RYR2: variants seen among roughly 807,000 people sequenced by gnomAD.
RYR2 encodes the protein ryanodine receptor 2, also known as cardiac muscle ryanodine receptor-calcium release channel.
Under a neutral mutation model 601.1 loss-of-function variants are expected in RYR2, and 227 were observed. That is an observed-to-expected ratio of 0.38 (90% confidence interval 0.34 to 0.42). The LOEUF is 0.42. Ranked by LOEUF, RYR2 falls within the 10% of genes least tolerant of loss-of-function variation. RYR2 has a pLI of 1.00. For missense variants in RYR2, 4,646 were observed against 6,156.5 expected, an observed-to-expected ratio of 0.75 and a Z score of 8.21; for synonymous variants, 2,223 against 2,175.1, an observed-to-expected ratio of 1.02 and a Z score of -0.61.
chr1:237,139,884 C>T (rs1399749551), intron 1 of RYR2, among the ~76,000 whole-genome samples: 1 of 152,288 alleles, frequency 6.6e-6, no homozygotes, highest in African/African-American at 2.4e-5. Flanking sequence ...GTCTGGCAGG[C>T]AGTGCTGTGT....
chr1:237,550,858 C>G (rs1163656945), intron 27 of RYR2, among the ~76,000 whole-genome samples, 167 bp downstream of exon 27: 1 of 152,040 alleles, frequency 6.6e-6, no homozygotes, highest in Non-Finnish European at 1.5e-5. Context: ...GGGATTAGAC[C>G]CATCTCTCAG....
intron 3 of RYR2, among the ~76,000 whole-genome samples, chr1:237,332,115 T>C (rs752595928): frequency 3.3e-5 from 5 of 152,180 alleles, no homozygotes; most frequent in Non-Finnish European, 5.9e-5. Flanking sequence ...GCTGTTGTTA[T>C]TAATCATTAC....
chr1:237,791,956 A>G (rs1351976344), intron 93 of RYR2, 149 bp from the exon 94 acceptor site: 1 of 630,770 alleles, frequency 1.6e-6, no homozygotes, highest in African/African-American at 1.8e-5. Flanking sequence ...TTGAAAAGCT[A>G]TCGTTTTTAG....
intron 2 of RYR2, among the ~76,000 whole-genome samples, chr1:237,330,021 AT>A (rs1384540814): frequency 6.6e-6 from 1 of 152,262 alleles, no homozygotes; most frequent in African/African-American, 2.4e-5. Flanking sequence ...GGAATATTTT[AT>A]ACTAATTCAG....
intron 1 of RYR2, among the ~76,000 whole-genome samples, chr1:237,070,670 G>C (rs762680526): frequency 2.0e-5 from 3 of 152,208 alleles, no homozygotes; most frequent in African/African-American, 7.2e-5. Context: ...GGTGCAGGAG[G>C]CCAGGGTTGT....
At chr1:237,373,028 T>C (rs183682245) in intron 6 of RYR2, among the ~76,000 whole-genome samples, 1 of 152,334 alleles carries the variant, frequency 6.6e-6, no homozygotes, top group East Asian at 1.9e-4. Flanking sequence ...TGCCTAATAC[T>C]GTACTTGTTA....
At chr1:237,334,521 AT>A (rs1455005214) in intron 3 of RYR2, among the ~76,000 whole-genome samples, 5 of 151,642 alleles carry the variant, frequency 3.3e-5, no homozygotes, top group African/African-American at 1.2e-4. Flanking sequence ...TTTAGCTTTT[AT>A]TCTTATTAAA....
At chr1:237,827,393 G>T (rs1449365448) in intron 101 of RYR2, among the ~76,000 whole-genome samples, 2 of 152,118 alleles carry the variant, frequency 1.3e-5, no homozygotes, top group Non-Finnish European at 2.9e-5. Context: ...CTACCACTTT[G>T]GGAAGCTGAG....
chr1:237,464,275 G>A (rs573122114), intron 16 of RYR2, among the ~76,000 whole-genome samples: 140 of 152,156 alleles, frequency 9.2e-4, no homozygotes, highest in Non-Finnish European at 1.6e-3. Context: ...TTGGACTTCC[G>A]TGCTTTTTTA....
At chr1:237,721,882 C>G (rs1689748796) in intron 73 of RYR2, among the ~76,000 whole-genome samples, 1 of 151,996 alleles carries the variant, frequency 6.6e-6, no homozygotes, top group African/African-American at 2.4e-5. Flanking sequence ...TATGTTCTAC[C>G]CCCATTAAAT....
In RYR2 at chr1:237,700,385, T is replaced by C; in HGVS notation, c.9285T>C (p.Asn3095=). 3 of 1,608,484 alleles carry C rather than the reference T, an allele frequency of 1.9e-6. No individual in the cohort carries two copies. The highest frequency in any genetic ancestry group is 2.5e-6 in the Non-Finnish European group (3 of 1,177,276). Residue 3095 remains asparagine (N), a synonymous_variant, in exon 65 of 105, where the codon AAT becomes AAC. Coordinates refer to ENST00000366574, the MANE Select transcript of RYR2 (RefSeq NM_001035.3). The stretch of plus-strand genomic sequence containing the variant: ...CCAAAGGGGTTACTCAGATTATCAA[T>C]TACACCACAGTGGCCCTGCTGCCAA... ...NQPKGVTQII[N]YTTVALLPML...
At chr1:237,338,247 A>G (rs1697433920) in intron 3 of RYR2, among the ~76,000 whole-genome samples, 1 of 152,154 alleles carries the variant, frequency 6.6e-6, no homozygotes, top group Non-Finnish European at 1.5e-5. Flanking sequence ...TTTTGATTTG[A>G]CAGGAGCCTG....
intron 2 of RYR2, among the ~76,000 whole-genome samples, chr1:237,312,345 T>C (rs974055478): frequency 1.6e-4 from 25 of 152,316 alleles, no homozygotes; most frequent in Middle Eastern, 3.4e-3. Context: ...ATCTGAATAG[T>C]ATTTTATAAT....
intron 48 of RYR2, among the ~76,000 whole-genome samples, chr1:237,644,522 G>A (rs550390044): frequency 1.8e-4 from 27 of 152,242 alleles, no homozygotes; most frequent in African/African-American, 6.0e-4. Flanking sequence ...ATGAGGCACT[G>A]CTCCTAGCCA....
At chr1:237,294,717 G>A (rs1158945227) in intron 2 of RYR2, among the ~76,000 whole-genome samples, 1 of 152,100 alleles carries the variant, frequency 6.6e-6, no homozygotes, top group Non-Finnish European at 1.5e-5. Flanking sequence ...TATAGATAAT[G>A]CTTCTGGAGT....
chr1:237,610,711 AC>A lies in RYR2; in HGVS notation c.4684-47del. The A allele has an allele frequency of 1.4e-6, 2 of 1,435,550 alleles. No homozygotes were observed. The highest frequency in any genetic ancestry group is 2.5e-4 in the Middle Eastern group (1 of 4,038). 88.9% of individuals were successfully genotyped at this position (1,435,550 alleles called of 1,614,324 possible). A position where few individuals can be genotyped will look rare whatever the true frequency, so the allele number is the denominator to read the frequency against. ...CAGAATTCTAGTCATTACTTTGTGAACCCCAAGGGATGTTCTACATTTATTC... is the reference window on the plus strand; with the variant it reads ...CAGAATTCTAGTCATTACTTTGTGAACCCAAGGGATGTTCTACATTTATTC... On this transcript the variant is annotated intron_variant, in intron 35 of 104. Coordinates refer to ENST00000366574, the MANE Select transcript of RYR2 (RefSeq NM_001035.3). The surrounding 1 kb of genome is among the most constrained non-coding windows in gnomAD (Gnocchi z 4.9).
At position 237,705,471 on chromosome 1, in the gene RYR2, T is replaced by TTATTTGG; in HGVS notation, c.9580+132_9580+133insTGGTATT. ...ATCCAATCTTGTTTGTTCTTAAATG[T>TTATTTGG]TATTGTTTGGTATTCTATGTGATGT... On this transcript the variant is annotated intron_variant, in intron 67 of 104. Transcript: ENST00000366574. 3 of 782,614 alleles carry TTATTTGG rather than the reference T, an allele frequency of 3.8e-6. No individual in the cohort carries two copies. The South Asian group carries it at 5.6e-5, about 15-fold the overall frequency. 48.5% of individuals were successfully genotyped at this position (782,614 alleles called of 1,614,324 possible). A position where few individuals can be genotyped will look rare whatever the true frequency, so the allele number is the denominator to read the frequency against.
Position 237,833,351 on chromosome 1 carries a change from G to GCCCCCCCCCCCCCCCCCC in RYR2, c.*716_*717insCCCCCCCCCCCCCCCCCC, listed in dbSNP as rs397983403. 9.2e-6 allele frequency: 1 copy of GCCCCCCCCCCCCCCCCCC among 109,104 alleles called. No individual in the cohort carries two copies. Among genetic ancestry groups the GCCCCCCCCCCCCCCCCCC allele is most frequent in the African/African-American group, 3.7e-5 (1 of 26,808 alleles). 6.8% of individuals were successfully genotyped at this position (109,104 alleles called of 1,614,324 possible). Reference sequence around the variant, plus strand: ...TTCTCATTCAGCTAAATTCACATTTGCCCCCCCCCCCCGCCCCCGCCCCCA... The same window carrying GCCCCCCCCCCCCCCCCCC: ...TTCTCATTCAGCTAAATTCACATTTGCCCCCCCCCCCCCCCCCCCCCCCCCCCCCCGCCCCCGCCCCCA... On this transcript the variant is annotated 3_prime_UTR_variant, in exon 105 of 105. Transcript: ENST00000366574.
chr1:237,487,138 C>T (rs564665948), intron 17 of RYR2, among the ~76,000 whole-genome samples: 2 of 152,136 alleles, frequency 1.3e-5, no homozygotes, highest in East Asian at 1.9e-4. Context: ...ATAAGCTTCA[C>T]GACTATAGCT....
Sources: allele counts gnomAD v4.1 joint callset (sites outside exome capture counted in the v4.1 genomes callset), GRCh38; gene constraint gnomAD v4.1.1; non-coding constraint Gnocchi (gnomAD v3.1); transcripts MANE v1.5; gene names NCBI Gene and HGNC (gene_info 2026-07-23, HGNC 2026-07-21).